The following MIGA2 variants were observed in gnomAD, a reference collection of about 807,000 sequenced individuals.
MIGA2 encodes family with sequence similarity 73, member B.
MIGA2 carries 36 observed loss-of-function variants against 69.9 expected under a neutral mutation model. That is an observed-to-expected ratio of 0.52 (90% CI 0.39 to 0.68). The LOEUF (loss-of-function observed/expected upper bound fraction) is 0.68, where lower values mean the gene tolerates loss of function less well. MIGA2 is among the 30% of genes least tolerant of loss of function. The probability of loss-of-function intolerance (pLI) is 0.00; values close to 1 mark genes in which losing one functional copy is unlikely to be tolerated. For missense variants in MIGA2, 660 were observed against 787.7 expected, an observed-to-expected ratio of 0.84 and a Z score of 1.94; for synonymous variants, 333 against 349.2, an observed-to-expected ratio of 0.95 and a Z score of 0.52.
chr9:129,059,456 T>G lies in MIGA2; in HGVS notation c.793+185T>G, dbSNP rs1236364926. On this transcript the variant is annotated intron_variant, in intron 7 of 15. Coordinates refer to ENST00000684074, the MANE Select transcript of MIGA2 (RefSeq NM_001329990.2). This position sits in a 1 kb window ranked among gnomAD's most constrained non-coding sequence, Gnocchi z 5.6. ...ATGGGGAAACTGAGGTGTTCCCTTC[T>G]CCATGGCAGGCTGGAGCAGAGCTGA... 6.6e-6 allele frequency among the ~76,000 whole-genome samples: 1 copy of G among 152,166 alleles called. No individual in the cohort carries two copies. The highest frequency in any genetic ancestry group is 1.5e-5 in the Non-Finnish European group (1 of 68,024).
chr9:129,050,579 T>TA, intron 6 of MIGA2, among the ~76,000 whole-genome samples: 1 of 150,902 alleles, frequency 6.6e-6, no homozygotes, highest in African/African-American at 2.4e-5. Context: ...AGCTGTTTTT[T>TA]TTTTTTTTTT....
At chr9:129,063,655 G>GGGGGCCC in intron 11 of MIGA2, 24 bp downstream of exon 11, 33 of 645,596 alleles carry the variant, frequency 5.1e-5, no homozygotes, top group Non-Finnish European at 8.7e-5. Context: ...GGGTGGGGGG[G>GGGGGCCC]CAAATTATAA....
In MIGA2 at chr9:129,064,316, C is replaced by T. The variant is rs920647986; in HGVS notation, c.1170+685C>T. Among the ~76,000 whole-genome samples the T allele has an allele frequency of 5.3e-5, 8 of 152,044 alleles. No homozygotes were observed. The East Asian group carries it at 1.6e-3, about 29-fold the overall frequency. The stretch of plus-strand genomic sequence containing the variant: ...CCGCCTCCCGGGTTCACACCATTCT[C>T]CTGCCTCAGCCTCCCGAGTAGCTGG... On this transcript the variant is annotated intron_variant, in intron 11 of 15. Transcript: ENST00000684074.
At chr9:129,044,880 C>T (rs974596255) in intron 3 of MIGA2, among the ~76,000 whole-genome samples, 1 of 151,892 alleles carries the variant, frequency 6.6e-6, no homozygotes, top group East Asian at 2.0e-4. Context: ...TGTGAGCCGC[C>T]GTGCCCAGCT....
In MIGA2 at chr9:129,068,523, C is replaced by T. The variant is rs1031888942; in HGVS notation, c.1404+191C>T. 1 of 660,984 alleles carries T rather than the reference C, an allele frequency of 1.5e-6. No individual in the cohort carries two copies. 40.9% of individuals were successfully genotyped at this position (660,984 alleles called of 1,614,324 possible). A position where few individuals can be genotyped will look rare whatever the true frequency, so the allele number is the denominator to read the frequency against. On this transcript the variant is annotated intron_variant, in intron 13 of 15. Transcript: ENST00000684074. This position sits in a 1 kb window ranked among gnomAD's most constrained non-coding sequence, Gnocchi z 4.1. ...CAGGGTGCCCCGTTGCTGCCTGGTG[C>T]CCCAGTTTAGAACCAACATGGTGTG...
intron 2 of MIGA2, among the ~76,000 whole-genome samples, chr9:129,041,628 C>T (rs1043346585): frequency 2.6e-4 from 40 of 152,356 alleles, no homozygotes; most frequent in African/African-American, 9.1e-4. Context: ...AGCCACTGCA[C>T]CTGGTCCTAT....
intron 3 of MIGA2, 105 bp downstream of exon 3, chr9:129,042,619 G>C: frequency 8.4e-7 from 1 of 1,188,584 alleles, no homozygotes; most frequent in Middle Eastern, 2.5e-4. Flanking sequence ...GTGTCTTCCT[G>C]TCTCAGAGCC....
rs944935333 is a variant in MIGA2, at chr9:129,068,759, C to T, written c.1405-317C>T. The T allele has an allele frequency of 3.1e-5, 14 of 445,092 alleles. No individual in the cohort carries two copies. The highest frequency in any genetic ancestry group is 2.9e-4 in the East Asian group (7 of 24,430). 27.6% of individuals were successfully genotyped at this position (445,092 alleles called of 1,614,324 possible). A position where few individuals can be genotyped will look rare whatever the true frequency, so the allele number is the denominator to read the frequency against. ...TGTGCTGCCTGGGCCCAGGCTTCTG[C>T]GAGGTGGTTTACAGGCGGGAACCAT... On this transcript the variant is annotated intron_variant, in intron 13 of 15. Transcript: ENST00000684074. The surrounding 1 kb of genome is among the most constrained non-coding windows in gnomAD (Gnocchi z 4.1).
intron 1 of MIGA2, among the ~76,000 whole-genome samples, chr9:129,038,191 AC>A (rs1233366533): frequency 6.6e-6 from 1 of 151,838 alleles, no homozygotes; most frequent in African/African-American, 2.4e-5. Flanking sequence ...AGATGTCTCT[AC>A]CCCTGACAAC....
intron 11 of MIGA2, chr9:129,067,543 G>A: frequency 1.8e-6 from 1 of 552,870 alleles, no homozygotes; most frequent in South Asian, 2.2e-5. Flanking sequence ...GGCACTCCTG[G>A]AAGTTAGCAG....
intron 2 of MIGA2, 31 bp downstream of exon 2, chr9:129,040,721 C>T (rs1457289615): frequency 6.3e-7 from 1 of 1,587,520 alleles, no homozygotes; most frequent in African/African-American, 1.3e-5. Context: ...TACCTCTGGT[C>T]TATGAAACAC....
chr9:129,062,967 G>A (rs1460346275), intron 9 of MIGA2, among the ~76,000 whole-genome samples: 1 of 152,228 alleles, frequency 6.6e-6, no homozygotes, highest in Non-Finnish European at 1.5e-5. Flanking sequence ...GTGAAGTGTG[G>A]GGCTGGTTGT....
chr9:129,068,088 C>G lies in MIGA2; in HGVS notation c.1270-110C>G, dbSNP rs771637750. ...GCAGAGCGGGAAAGACGTGTCCCCC[C>G]CACGTGTGCTCATGCCCTGGACCCC... On this transcript the variant is annotated intron_variant, in intron 12 of 15. Coordinates refer to ENST00000684074, the MANE Select transcript of MIGA2 (RefSeq NM_001329990.2). The surrounding 1 kb of genome is among the most constrained non-coding windows in gnomAD (Gnocchi z 4.1). 4.8e-6 allele frequency: 7 copies of G among 1,466,894 alleles called. No homozygotes were observed. Among genetic ancestry groups the G allele is most frequent in the South Asian group, 2.3e-5 (2 of 87,100 alleles). The allele number at this position is 1,466,894 out of a possible 1,614,324, so 90.9% of individuals were successfully genotyped here. A position where few individuals can be genotyped will look rare whatever the true frequency, so the allele number is the denominator to read the frequency against.
chr9:129,039,482 T>A (rs1394689685), intron 1 of MIGA2, among the ~76,000 whole-genome samples: 1 of 152,120 alleles, frequency 6.6e-6, no homozygotes, highest in Admixed American at 6.5e-5. Flanking sequence ...CCTGACCTTG[T>A]GATCCTCCCT....
At chr9:129,045,851 T>G (rs557367514) in intron 3 of MIGA2, among the ~76,000 whole-genome samples, 5 of 149,026 alleles carry the variant, frequency 3.4e-5, no homozygotes, top group Admixed American at 2.0e-4. Context: ...AGTGTTTTGT[T>G]TTTTTTTTTT....
intron 1 of MIGA2, among the ~76,000 whole-genome samples, chr9:129,039,067 T>A (rs1844750020): frequency 6.6e-6 from 1 of 151,910 alleles, no homozygotes; most frequent in Admixed American, 6.6e-5. Context: ...AGTGCTGGGA[T>A]TACAGGCATG....
At chr9:129,064,609 C>T (rs1260844903) in intron 11 of MIGA2, among the ~76,000 whole-genome samples, 3 of 151,716 alleles carry the variant, frequency 2.0e-5, no homozygotes, top group Middle Eastern at 3.2e-3. Flanking sequence ...CTGCCTACAA[C>T]CCTCACTTGC....
In MIGA2 at chr9:129,056,212, A is replaced by G. The variant is rs559009129; in HGVS notation, c.676-2942A>G. On this transcript the variant is annotated intron_variant, in intron 6 of 15. Coordinates refer to ENST00000684074, the MANE Select transcript of MIGA2 (RefSeq NM_001329990.2). ...TTAATTTTGCCCATTACTTTGTGCTATTTATTGTGGTCTGTAGCAAACATT... is the reference window on the plus strand; with the variant it reads ...TTAATTTTGCCCATTACTTTGTGCTGTTTATTGTGGTCTGTAGCAAACATT... Among the ~76,000 whole-genome samples, 11 of 151,836 alleles carry G rather than the reference A, an allele frequency of 7.2e-5. No individual in the cohort carries two copies. The South Asian group carries it at 2.1e-3, about 29-fold the overall frequency.
intron 1 of MIGA2, among the ~76,000 whole-genome samples, chr9:129,039,522 G>A (rs1176500554): frequency 1.3e-5 from 2 of 151,914 alleles, no homozygotes; most frequent in African/African-American, 4.8e-5. Context: ...TGGGATTATA[G>A]GCGTAAGCCA....
Sources: allele counts gnomAD v4.1 joint callset (sites outside exome capture counted in the v4.1 genomes callset), GRCh38; gene constraint gnomAD v4.1.1; non-coding constraint Gnocchi (gnomAD v3.1); transcripts MANE v1.5; gene names NCBI Gene and HGNC (gene_info 2026-07-23, HGNC 2026-07-21).